HEXA: variants seen among roughly 807,000 people sequenced by gnomAD.
HEXA encodes the protein hexosaminidase subunit alpha, also known as beta-hexosaminidase subunit alpha.
In HEXA, 54 loss-of-function variants were observed where a neutral mutation model predicts 73.3. That is an observed-to-expected ratio of 0.74 (90% confidence interval 0.59 to 0.92). The LOEUF is 0.92. Ranked by LOEUF, HEXA falls within the 40% of genes least tolerant of loss-of-function variation. The probability of loss-of-function intolerance (pLI) is 0.00; values close to 1 mark genes in which losing one functional copy is unlikely to be tolerated. For synonymous variants in HEXA, 230 were observed against 246.9 expected (o/e 0.93, Z 0.64); for missense variants, 649 against 653.0 (o/e 0.99, Z 0.07).
At chr15:72,352,519 C>A (rs1233994845) in intron 5 of HEXA, among the ~76,000 whole-genome samples, 2 of 151,942 alleles carry the variant, frequency 1.3e-5, no homozygotes, top group Non-Finnish European at 2.9e-5. Context: ...GAAGCCAATT[C>A]CCCTAAACAT....
intron 1 of HEXA, among the ~76,000 whole-genome samples, chr15:72,367,589 T>C (rs2088934500): frequency 6.6e-6 from 1 of 152,234 alleles, no homozygotes; most frequent in Admixed American, 6.5e-5. Context: ...TCACTTATCC[T>C]GTTGACTGGA....
Position 72,350,606 on chromosome 15 carries a change from C to T in HEXA, c.717G>A (p.Val239=). Residue 239 remains valine (V), a synonymous_variant, in exon 7 of 14, where the codon GTG becomes GTA. Coordinates refer to ENST00000268097, the MANE Select transcript of HEXA (RefSeq NM_000520.6). ...GCCGTGCGTATTCAATGACCTCCTT[C>T]ACATCCTGTGCTGTGTAGATGTGGG... ...PVTHIYTAQD[V]KEVIEYARLR... 1 of 1,614,178 alleles carries T rather than the reference C, an allele frequency of 6.2e-7. No homozygotes were observed. Among genetic ancestry groups the T allele is most frequent in the Non-Finnish European group, 8.5e-7 (1 of 1,180,026 alleles).
At chr15:72,366,031 G>T (rs921583954) in intron 1 of HEXA, among the ~76,000 whole-genome samples, 1 of 151,978 alleles carries the variant, frequency 6.6e-6, no homozygotes, top group African/African-American at 2.4e-5. Flanking sequence ...AGATCTTGTT[G>T]TGTAGTTACT....
rs920253133 is a variant in HEXA, at chr15:72,343,846, G to A, written c.*231C>T. 6.1e-5 allele frequency: 30 copies of A among 489,202 alleles called. No homozygotes were observed. The highest frequency in any genetic ancestry group is 4.0e-5 in the South Asian group (2 of 49,666). 30.3% of individuals were successfully genotyped at this position (489,202 alleles called of 1,614,324 possible). On this transcript the variant is annotated 3_prime_UTR_variant, in exon 14 of 14. Transcript: ENST00000268097. ...AGCCTGGCTGTGCCCTTACCCTAAC[G>A]CCATTCACACTTTTTTTTTTAAACA...
chr15:72,356,672 A>G (rs2088787728), intron 1 of HEXA, 55 bp from the exon 2 acceptor site: 1 of 1,610,216 alleles, frequency 6.2e-7, no homozygotes, highest in Non-Finnish European at 8.5e-7. Flanking sequence ...AGCAACAGGC[A>G]AAACCAAGAC....
intron 1 of HEXA, among the ~76,000 whole-genome samples, chr15:72,375,320 C>T (rs2089047759): frequency 6.6e-6 from 1 of 152,120 alleles, no homozygotes; most frequent in Non-Finnish European, 1.5e-5. Flanking sequence ...GAACTCCTGA[C>T]CTCGTGATCC....
Position 72,346,526 on chromosome 15 carries a change from C to G in HEXA, c.1330+1G>C. ...TAGCAAGGAGAGCTCTCTGCTTTCA[C>G]CTTCAAATGCCAGGGGTTCCACTAT... On this transcript the variant is annotated splice_donor_variant, in intron 11 of 13. Coordinates refer to ENST00000268097, the MANE Select transcript of HEXA (RefSeq NM_000520.6). LOFTEE classifies it high-confidence loss of function. The G allele has an allele frequency of 6.2e-7, 1 of 1,613,806 alleles. No individual in the cohort carries two copies. The highest frequency in any genetic ancestry group is 8.5e-7 in the Non-Finnish European group (1 of 1,179,738).
intron 3 of HEXA, chr15:72,353,989 C>T: frequency 1.7e-6 from 1 of 581,044 alleles, no homozygotes; most frequent in East Asian, 2.9e-5. Flanking sequence ...ACATACTAAC[C>T]TTCAAAACCC....
intron 7 of HEXA, among the ~76,000 whole-genome samples, chr15:72,350,045 T>C (rs1045455300): frequency 1.3e-5 from 2 of 152,134 alleles, no homozygotes; most frequent in Non-Finnish European, 2.9e-5. Context: ...ATTACAGACA[T>C]GAGCCACCAC....
chr15:72,356,093 C>G (rs1041328677), intron 2 of HEXA: 4 of 397,548 alleles, frequency 1.0e-5, no homozygotes, highest in Non-Finnish European at 2.0e-5. Flanking sequence ...CCAAACTCAA[C>G]TGTTCACTTT....
chr15:72,350,675 G>A, intron 6 of HEXA, 25 bp from the exon 7 acceptor site: 1 of 1,613,854 alleles, frequency 6.2e-7, no homozygotes, highest in Non-Finnish European at 8.5e-7. Context: ...ACACCCTTCA[G>A]GTTCACACTT....
At chr15:72,349,827 G>A (rs1262316411) in intron 7 of HEXA, among the ~76,000 whole-genome samples, 1 of 152,136 alleles carries the variant, frequency 6.6e-6, no homozygotes, top group Non-Finnish European at 1.5e-5. Flanking sequence ...ACAGTGGCAT[G>A]ATCTTGGCTC....
intron 13 of HEXA, 199 bp downstream of exon 13, chr15:72,345,247 T>C: frequency 9.8e-7 from 1 of 1,016,818 alleles, no homozygotes; most frequent in Non-Finnish European, 1.4e-6. Context: ...ATACAGTATT[T>C]TTTATTTGTA....
At chr15:72,353,791 T>C (rs895620717) in intron 3 of HEXA, 54 bp from the exon 4 acceptor site, 4 of 1,287,926 alleles carry the variant, frequency 3.1e-6, no homozygotes, top group Non-Finnish European at 4.5e-6. Context: ...AAAAGAGATG[T>C]CTCTATTTGG....
intron 3 of HEXA, chr15:72,354,275 A>G: frequency 6.1e-6 from 1 of 164,340 alleles, no homozygotes; most frequent in Non-Finnish European, 1.3e-5. Flanking sequence ...AGAGTCTAAG[A>G]AGAGACCCAG....
chr15:72,359,180 C>G (rs138124286), intron 1 of HEXA: 173 of 152,294 alleles, frequency 1.1e-3, no homozygotes, highest in African/African-American at 3.8e-3. Context: ...TCTCAGGGCT[C>G]CCATTTCCTT....
At chr15:72,352,465 A>T (rs1019590105) in intron 5 of HEXA, among the ~76,000 whole-genome samples, 39 of 151,650 alleles carry the variant, frequency 2.6e-4, no homozygotes, top group African/African-American at 9.4e-4. Context: ...AAAAAAAAAA[A>T]TTGAGACGCT....
At chr15:72,353,299 G>A (rs1567299462) in intron 4 of HEXA, 121 bp from the exon 5 acceptor site, 2 of 721,072 alleles carry the variant, frequency 2.8e-6, no homozygotes, top group East Asian at 2.7e-5. Flanking sequence ...TCTCAGGGTC[G>A]CTCTCTCCCT....
At chr15:72,369,068 C>T (rs1280559616) in intron 1 of HEXA, among the ~76,000 whole-genome samples, 1 of 152,198 alleles carries the variant, frequency 6.6e-6, no homozygotes, top group African/African-American at 2.4e-5. Context: ...GCCTAACCAG[C>T]CTCAAGATGT....
Sources: allele counts gnomAD v4.1 joint callset (sites outside exome capture counted in the v4.1 genomes callset), GRCh38; gene constraint gnomAD v4.1.1; transcripts MANE v1.5; gene names NCBI Gene and HGNC (gene_info 2026-07-23, HGNC 2026-07-21).